FNBP1: variants seen among roughly 807,000 people sequenced by gnomAD.
FNBP1 encodes formin-binding protein 1.
A neutral mutation model predicts 90.6 loss-of-function variants in FNBP1; 26 were observed. The observed-to-expected ratio is 0.29, with a 90% CI of 0.21 to 0.40. The LOEUF (loss-of-function observed/expected upper bound fraction) is 0.40, where lower values mean the gene tolerates loss of function less well. Ranked by LOEUF, FNBP1 falls within the 10% of genes least tolerant of loss-of-function variation. FNBP1 has a pLI of 1.00. For missense variants in FNBP1, 635 were observed against 768.0 expected, an observed-to-expected ratio of 0.83 and a Z score of 2.05; for synonymous variants, 260 against 265.2, an observed-to-expected ratio of 0.98 and a Z score of 0.19.
intron 1 of FNBP1, among the ~76,000 whole-genome samples, chr9:130,003,987 G>C (rs568571996): frequency 1.3e-5 from 2 of 151,604 alleles, no homozygotes; most frequent in African/African-American, 4.8e-5. Context: ...AGTTGTCACA[G>C]GAACTACATT....
chr9:129,976,604 G>C (rs2050346700), intron 4 of FNBP1, among the ~76,000 whole-genome samples: 1 of 152,104 alleles, frequency 6.6e-6, no homozygotes, highest in Non-Finnish European at 1.5e-5. Context: ...GCTCTCTATT[G>C]AATGCTTGTC....
At chr9:129,893,867 G>C (rs1028463650) in intron 16 of FNBP1, among the ~76,000 whole-genome samples, 1 of 138,526 alleles carries the variant, frequency 7.2e-6, no homozygotes, top group Non-Finnish European at 1.5e-5. Context: ...AGTGAGCCAA[G>C]ATTGTGCCAC....
intron 2 of FNBP1, among the ~76,000 whole-genome samples, chr9:129,991,157 A>G (rs974346819): frequency 7.9e-5 from 12 of 150,996 alleles, no homozygotes; most frequent in African/African-American, 2.9e-4. Flanking sequence ...CTGGTCTTGA[A>G]CTCTTGACCT....
intron 1 of FNBP1, among the ~76,000 whole-genome samples, chr9:130,039,814 A>G (rs904880699): frequency 2.0e-5 from 3 of 152,218 alleles, no homozygotes; most frequent in African/African-American, 7.2e-5. Context: ...TAAAATGCAC[A>G]TTAGAAACCT....
intron 2 of FNBP1, among the ~76,000 whole-genome samples, chr9:129,983,656 C>T (rs1316448270): frequency 1.3e-5 from 2 of 151,996 alleles, no homozygotes; most frequent in Non-Finnish European, 2.9e-5. Context: ...ACTAAAAATG[C>T]AAAAATTAGC....
At chr9:129,923,712 T>TG (rs1491212291) in intron 10 of FNBP1, 132 bp downstream of exon 10, 66 of 450,698 alleles carry the variant, frequency 1.5e-4, no homozygotes, top group African/African-American at 2.0e-4. Flanking sequence ...ATGGTTTTTG[T>TG]TTTTTTTTTT....
At chr9:129,914,128 T>G (rs1241979361) in intron 11 of FNBP1, among the ~76,000 whole-genome samples, 1 of 151,546 alleles carries the variant, frequency 6.6e-6, no homozygotes, top group Non-Finnish European at 1.5e-5. Context: ...AGTGCAGAGA[T>G]TACAGGCGTG....
In FNBP1 at chr9:129,890,390, A is replaced by T. The variant is rs1466815336; in HGVS notation, c.*149T>A. 1.0e-5 allele frequency: 6 copies of T among 595,688 alleles called. No homozygotes were observed. The East Asian group carries it at 1.5e-4, about 15-fold the overall frequency. 36.9% of individuals were successfully genotyped at this position (595,688 alleles called of 1,614,324 possible). ...TGGGCGGGAGGGCAGGGCCGCAGGG[A>T]GCATGCTGGAGAGAGAGAGAGACCG... is the stretch of plus-strand genomic sequence containing the variant. On this transcript the variant is annotated 3_prime_UTR_variant, in exon 17 of 17. Coordinates refer to ENST00000446176, the MANE Select transcript of FNBP1 (RefSeq NM_015033.3). This position sits in a 1 kb window ranked among gnomAD's most constrained non-coding sequence, Gnocchi z 5.8.
intron 10 of FNBP1, among the ~76,000 whole-genome samples, chr9:129,922,569 A>G (rs1272218712): frequency 6.6e-6 from 1 of 152,208 alleles, no homozygotes; most frequent in Non-Finnish European, 1.5e-5. Context: ...GTAAATGAGC[A>G]CACAGAACAG....
At chr9:130,008,257 G>A (rs943280243) in intron 1 of FNBP1, among the ~76,000 whole-genome samples, 6 of 151,824 alleles carry the variant, frequency 4.0e-5, no homozygotes, top group African/African-American at 1.5e-4. Context: ...GCTGAGGTGG[G>A]AGGATGACCT....
chr9:129,929,894 C>T (rs1428619256), intron 6 of FNBP1, among the ~76,000 whole-genome samples, 199 bp from the exon 7 acceptor site: 2 of 152,148 alleles, frequency 1.3e-5, no homozygotes, highest in African/African-American at 4.8e-5. Flanking sequence ...TATAAACCTC[C>T]ACCATTCCCT....
At chr9:129,977,432 T>C (rs1310892686) in intron 4 of FNBP1, among the ~76,000 whole-genome samples, 2 of 152,118 alleles carry the variant, frequency 1.3e-5, no homozygotes, top group Non-Finnish European at 2.9e-5. Context: ...AGGAAAAGAA[T>C]GGATGTAACT....
upstream of FNBP1, among the ~76,000 whole-genome samples, chr9:130,047,553 T>C (rs1388250716): frequency 6.6e-6 from 1 of 152,072 alleles, no homozygotes; most frequent in Non-Finnish European, 1.5e-5. Flanking sequence ...GTGGAGGTTG[T>C]GGTGATCCAA....
intron 6 of FNBP1, among the ~76,000 whole-genome samples, chr9:129,944,781 T>C (rs1208954739): frequency 1.3e-5 from 2 of 152,166 alleles, no homozygotes; most frequent in Non-Finnish European, 2.9e-5. Context: ...AGTTGCCACA[T>C]GTCATGCCAT....
chr9:129,887,193 TTA>T lies in FNBP1; in HGVS notation c.*3344_*3345del, dbSNP rs2034806601. The stretch of plus-strand genomic sequence containing the variant: ...CAGTCCCGTGACACGGAGCCACAAG[TTA>T]TATTTTATTTTAACACGAGATTAAC... On this transcript the variant is annotated 3_prime_UTR_variant, in exon 17 of 17. Transcript: ENST00000446176. 2 of 178,512 alleles carry T rather than the reference TTA, an allele frequency of 1.1e-5. No individual in the cohort carries two copies. Among genetic ancestry groups the T allele is most frequent in the African/African-American group, 2.4e-5 (1 of 42,270 alleles). The allele number at this position is 178,512 out of a possible 1,614,324, so 11.1% of individuals were successfully genotyped here.
chr9:129,893,851 G>T (rs147706265), intron 16 of FNBP1, among the ~76,000 whole-genome samples: 9,432 of 149,694 alleles, frequency 0.063, 417 homozygotes, highest in Middle Eastern at 0.14. Context: ...AGGAGGCAGA[G>T]GTTGCAGTGA....
intron 8 of FNBP1, among the ~76,000 whole-genome samples, chr9:129,926,656 G>A (rs2041955403): frequency 6.6e-6 from 1 of 152,078 alleles, no homozygotes; most frequent in Non-Finnish European, 1.5e-5. Context: ...GGAGGCTGAG[G>A]CGGGCGGATT....
intron 2 of FNBP1, among the ~76,000 whole-genome samples, chr9:129,988,286 C>T (rs1230339759): frequency 6.6e-6 from 1 of 151,638 alleles, no homozygotes; most frequent in Non-Finnish European, 1.5e-5. Flanking sequence ...GTTGTTCAGA[C>T]TCAGAAAAAA....
chr9:130,049,370 C>A, the FNBP1 span, among the ~76,000 whole-genome samples: 2 of 152,050 alleles, frequency 1.3e-5, no homozygotes, highest in African/African-American at 4.8e-5. Flanking sequence ...GAGAGCGAGA[C>A]CCTGTCTCAA....
Sources: allele counts gnomAD v4.1 joint callset (sites outside exome capture counted in the v4.1 genomes callset), GRCh38; gene constraint gnomAD v4.1.1; non-coding constraint Gnocchi (gnomAD v3.1); transcripts MANE v1.5; gene names NCBI Gene and HGNC (gene_info 2026-07-23, HGNC 2026-07-21).